Variants in ZNF525 observed in about 807,000 individuals in gnomAD.
ZNF525 encodes the protein zinc finger protein 525.
In ZNF525, 33 loss-of-function variants were observed where a neutral mutation model predicts 37.6. That is an observed-to-expected ratio of 0.88 (90% CI 0.67 to 1.17). The LOEUF is 1.17. Ranked by LOEUF, ZNF525 falls within the 50% of genes most tolerant of loss-of-function variation. ZNF525 has a pLI of 0.00. For synonymous variants in ZNF525, 170 were observed against 182.3 expected, an observed-to-expected ratio of 0.93 and a Z score of 0.54; for missense variants, 449 against 543.1, an observed-to-expected ratio of 0.83 and a Z score of 1.72.
At position 53,382,255 on chromosome 19, in the gene ZNF525, C is replaced by A; in HGVS notation, c.*236C>A. 1.3e-6 allele frequency: 2 copies of A among 1,515,150 alleles called. No individual in the cohort carries two copies. The highest frequency in any genetic ancestry group is 1.4e-5 in the African/African-American group (1 of 72,910). The allele number at this position is 1,515,150 out of a possible 1,614,324, so 93.9% of individuals were successfully genotyped here. ...TACAGGTGTAATAGGTGTGGCAAGA[C>A]CTTCAGTCATACATCATCCCTTACA... is the stretch of plus-strand genomic sequence containing the variant. On this transcript the variant is annotated 3_prime_UTR_variant, in exon 4 of 4. Coordinates refer to ENST00000474037, the MANE Select transcript of ZNF525 (RefSeq NM_001348156.2).
chr19:53,367,161 G>A (rs1263212930), intron 1 of ZNF525, among the ~76,000 whole-genome samples: 1 of 152,050 alleles, frequency 6.6e-6, no homozygotes, highest in Non-Finnish European at 1.5e-5. Flanking sequence ...CCTTGTTCTG[G>A]AGGTGGGGGT....
chr19:53,370,213 G>C (rs538349417), intron 1 of ZNF525, among the ~76,000 whole-genome samples: 2 of 149,722 alleles, frequency 1.3e-5, no homozygotes, highest in Non-Finnish European at 3.0e-5. Context: ...GAGGTCAGGA[G>C]ATCGAGATTA....
At chr19:53,372,895 T>G (rs1310811885) in intron 2 of ZNF525, among the ~76,000 whole-genome samples, 3 of 152,110 alleles carry the variant, frequency 2.0e-5, no homozygotes, top group Non-Finnish European at 4.4e-5. Flanking sequence ...TAGCAGGAGA[T>G]TCATTAATCC....
Position 53,374,184 on chromosome 19 carries a change from CCAATAGTTATTT to C in ZNF525, c.16-1585_16-1574del, listed in dbSNP as rs542104236. ...AGGTGTGAGCCTCCTTGCCCAGCCC[CCAATAGTTATTT>C]TTTCTGCTCCTCTCCTTCCTCCCAC... On this transcript the variant is annotated intron_variant, in intron 2 of 3. Coordinates refer to ENST00000474037, the MANE Select transcript of ZNF525 (RefSeq NM_001348156.2). 4.3e-3 allele frequency among the ~76,000 whole-genome samples: 648 copies of C among 152,144 alleles called. 3 individuals carry two copies. Among genetic ancestry groups the C allele is most frequent in the African/African-American group, 0.015 (607 of 41,508 alleles).
chr19:53,383,077 T>C lies in ZNF525; in HGVS notation c.*1058T>C. 5 of 1,408,138 alleles carry C rather than the reference T, an allele frequency of 3.6e-6. No homozygotes were observed. The highest frequency in any genetic ancestry group is 1.1e-5 in the South Asian group (1 of 87,020). 87.2% of individuals were successfully genotyped at this position (1,408,138 alleles called of 1,614,324 possible). On this transcript the variant is annotated 3_prime_UTR_variant, in exon 4 of 4. Coordinates refer to ENST00000474037, the MANE Select transcript of ZNF525 (RefSeq NM_001348156.2). ...CTGGAGAGAACGCTTGCAAGTGTAA[T>C]AAATGTGGCGAGGTTTTTAATCAAC...
intron 3 of ZNF525, among the ~76,000 whole-genome samples, chr19:53,379,811 G>A (rs2085546509): frequency 6.6e-6 from 1 of 152,122 alleles, no homozygotes; most frequent in Non-Finnish European, 1.5e-5. Context: ...AGGCCAGCCT[G>A]GCCAATATGA....
intron 1 of ZNF525, among the ~76,000 whole-genome samples, chr19:53,366,492 T>C (rs1417593666): frequency 2.1e-5 from 3 of 139,854 alleles, no homozygotes; most frequent in Admixed American, 1.5e-4. Flanking sequence ...CCATAACAGA[T>C]GGCAAAGTAG....
At chr19:53,377,692 C>T (rs1600021865) in intron 3 of ZNF525, among the ~76,000 whole-genome samples, 1 of 151,740 alleles carries the variant, frequency 6.6e-6, no homozygotes, top group African/African-American at 2.4e-5. Context: ...GTAGCTGGGA[C>T]TACAGGCATG....
rs779947032 is a variant in ZNF525 at position 53,382,766 on chromosome 19, C to T, written c.*747C>T. On this transcript the variant is annotated 3_prime_UTR_variant, in exon 4 of 4. Coordinates refer to ENST00000474037, the MANE Select transcript of ZNF525 (RefSeq NM_001348156.2). ...TAAATGTGACAAATTTTTCAGACAT[C>T]GTTCATACCTTGCAGTTCACGGGCG... 3.9e-5 allele frequency: 37 copies of T among 942,032 alleles called. No individual in the cohort carries two copies. The highest frequency in any genetic ancestry group is 2.4e-4 in the South Asian group (18 of 74,176). The allele number at this position is 942,032 out of a possible 1,614,324, so 58.4% of individuals were successfully genotyped here. A position where few individuals can be genotyped will look rare whatever the true frequency, so the allele number is the denominator to read the frequency against.
chr19:53,368,537 A>C lies in ZNF525; in HGVS notation c.-68+2778A>C, dbSNP rs1174449432. Among the ~76,000 whole-genome samples, 3 of 152,290 alleles carry C rather than the reference A, an allele frequency of 2.0e-5. No individual in the cohort carries two copies. The East Asian group carries it at 5.8e-4, about 29-fold the overall frequency. Reference sequence around the variant, plus strand: ...GTGGCATTAACGCTTTTGCTTCTTAAGGCCAGTGGTCTCCTATGTTAGTCC... The same window carrying C: ...GTGGCATTAACGCTTTTGCTTCTTACGGCCAGTGGTCTCCTATGTTAGTCC... On this transcript the variant is annotated intron_variant, in intron 1 of 3. Coordinates refer to ENST00000474037, the MANE Select transcript of ZNF525 (RefSeq NM_001348156.2).
chr19:53,370,558 C>A (rs536308479), intron 1 of ZNF525, among the ~76,000 whole-genome samples: 1 of 152,030 alleles, frequency 6.6e-6, no homozygotes, highest in Non-Finnish European at 1.5e-5. Flanking sequence ...AAGCTCAACC[C>A]GAGTGACCCT....
chr19:53,372,348 T>C lies in ZNF525; in HGVS notation c.15+52T>C, dbSNP rs979822744. ...TCTGTCTCCTTCCTTTCAGAAATGC[T>C]GACCTTGGAGTTGGGAATCTTCTAA... On this transcript the variant is annotated intron_variant, in intron 2 of 3. Coordinates refer to ENST00000474037, the MANE Select transcript of ZNF525 (RefSeq NM_001348156.2). 3.6e-5 allele frequency: 27 copies of C among 758,050 alleles called. No individual in the cohort carries two copies. In the African/African-American group the frequency reaches 3.8e-4, roughly 11 times the overall value. The allele number at this position is 758,050 out of a possible 1,614,324, so 47.0% of individuals were successfully genotyped here. A position where few individuals can be genotyped will look rare whatever the true frequency, so the allele number is the denominator to read the frequency against.
chr19:53,366,466 G>T (rs1169192016), intron 1 of ZNF525, among the ~76,000 whole-genome samples: 1 of 147,790 alleles, frequency 6.8e-6, no homozygotes, highest in Non-Finnish European at 1.5e-5. Flanking sequence ...ACAGAGAAAA[G>T]AAGAATGAGA....
At chr19:53,368,452 AG>A (rs2085463157) in intron 1 of ZNF525, among the ~76,000 whole-genome samples, 1 of 152,208 alleles carries the variant, frequency 6.6e-6, no homozygotes, top group South Asian at 2.1e-4. Context: ...TTTAAGAGCT[AG>A]GGGCTTGAAA....
At chr19:53,378,817 A>G (rs1193390723) in intron 3 of ZNF525, among the ~76,000 whole-genome samples, 1 of 152,238 alleles carries the variant, frequency 6.6e-6, no homozygotes. Context: ...CCCCATCTGC[A>G]GGAACATCCT....
At chr19:53,378,526 G>A (rs900937436) in intron 3 of ZNF525, among the ~76,000 whole-genome samples, 6 of 151,982 alleles carry the variant, frequency 3.9e-5, no homozygotes, top group African/African-American at 1.2e-4. Flanking sequence ...AGCGTGACTC[G>A]GTCTCAAAAA....
intron 1 of ZNF525, among the ~76,000 whole-genome samples, chr19:53,370,602 G>A (rs1304477705): frequency 6.6e-6 from 1 of 152,016 alleles, no homozygotes; most frequent in Non-Finnish European, 1.5e-5. Flanking sequence ...TAGAATGCAT[G>A]TCTGGGTGTG....
At chr19:53,366,483 C>T in intron 1 of ZNF525, among the ~76,000 whole-genome samples, 1 of 146,984 alleles carries the variant, frequency 6.8e-6, no homozygotes. Flanking sequence ...GAGAAAGGCC[C>T]ATAACAGATG....
At chr19:53,367,410 A>G (rs961169360) in intron 1 of ZNF525, among the ~76,000 whole-genome samples, 6 of 152,154 alleles carry the variant, frequency 3.9e-5, no homozygotes, top group Non-Finnish European at 1.5e-5. Context: ...ATTCTTCATG[A>G]AAGAGCAGGT....
Sources: allele counts gnomAD v4.1 joint callset (sites outside exome capture counted in the v4.1 genomes callset), GRCh38; gene constraint gnomAD v4.1.1; transcripts MANE v1.5; gene names NCBI Gene and HGNC (gene_info 2026-07-23, HGNC 2026-07-21).